CDKAL1: variants seen among roughly 807,000 people sequenced by gnomAD.
CDKAL1 encodes threonylcarbamoyladenosine tRNA methylthiotransferase.
A neutral mutation model predicts 68.2 loss-of-function variants in CDKAL1; 32 were observed. That is an observed-to-expected ratio of 0.47 (90% confidence interval 0.35 to 0.63). The LOEUF is 0.63. CDKAL1 is among the 30% of genes least tolerant of loss of function. CDKAL1 has a pLI of 0.00. For synonymous variants in CDKAL1, 234 were observed against 244.3 expected, an observed-to-expected ratio of 0.96 and a Z score of 0.39; for missense variants, 606 against 696.7, an observed-to-expected ratio of 0.87 and a Z score of 1.47.
At chr6:20,780,922 C>T (rs1775398972) in intron 7 of CDKAL1, among the ~76,000 whole-genome samples, 1 of 152,170 alleles carries the variant, frequency 6.6e-6, no homozygotes, top group East Asian at 1.9e-4. Context: ...GATCCACCCA[C>T]CTTGGCCTCC....
At chr6:21,114,146 G>A (rs1335643101) in intron 13 of CDKAL1, among the ~76,000 whole-genome samples, 1 of 151,578 alleles carries the variant, frequency 6.6e-6, no homozygotes, top group African/African-American at 2.4e-5. Flanking sequence ...TACTCGGGAG[G>A]CTGAGGCAGG....
chr6:21,047,666 G>C (rs189478684), intron 11 of CDKAL1, among the ~76,000 whole-genome samples: 41 of 152,238 alleles, frequency 2.7e-4, no homozygotes, highest in African/African-American at 9.1e-4. Flanking sequence ...TGTCCACCAG[G>C]TGCTTATAGT....
At chr6:21,034,177 C>T (rs1213741468) in intron 11 of CDKAL1, among the ~76,000 whole-genome samples, 2 of 152,022 alleles carry the variant, frequency 1.3e-5, no homozygotes, top group African/African-American at 2.4e-5. Context: ...AAACAAAGCC[C>T]GTCAGGAGTT....
intron 9 of CDKAL1, among the ~76,000 whole-genome samples, chr6:20,887,810 G>T (rs1372842413): frequency 1.3e-5 from 2 of 150,524 alleles, no homozygotes; most frequent in South Asian, 2.1e-4. Flanking sequence ...AAGAGACAGG[G>T]TCTGTTTCTG....
intron 5 of CDKAL1, among the ~76,000 whole-genome samples, chr6:20,670,257 C>T (rs1769749629): frequency 6.6e-6 from 1 of 152,146 alleles, no homozygotes; most frequent in South Asian, 2.1e-4. Flanking sequence ...CTTTCCTTTG[C>T]CACTCAAATC....
At chr6:20,568,034 C>G (rs1764531570) in intron 4 of CDKAL1, among the ~76,000 whole-genome samples, 1 of 152,126 alleles carries the variant, frequency 6.6e-6, no homozygotes, top group Non-Finnish European at 1.5e-5. Flanking sequence ...TGCCACCACG[C>G]CCGGCTAATT....
At chr6:20,565,187 A>G (rs1764414209) in intron 4 of CDKAL1, among the ~76,000 whole-genome samples, 1 of 152,114 alleles carries the variant, frequency 6.6e-6, no homozygotes, top group African/African-American at 2.4e-5. Context: ...AGTGATTTTT[A>G]CAGGGGTGAA....
intron 13 of CDKAL1, among the ~76,000 whole-genome samples, chr6:21,138,816 T>C (rs1222257263): frequency 6.6e-6 from 1 of 152,162 alleles, no homozygotes; most frequent in African/African-American, 2.4e-5. Context: ...GTCAGGCCCA[T>C]CTGTATACAT....
rs991695765 is a variant in CDKAL1, at chr6:20,839,114, T to A, written c.639-6961T>A. Among the ~76,000 whole-genome samples the A allele has an allele frequency of 7.9e-5, 12 of 152,174 alleles. No individual in the cohort carries two copies. The East Asian group carries it at 9.6e-4, about 12-fold the overall frequency. Reference sequence around the variant, plus strand: ...AAGAGGCCATTTTCTTGCTTTTTTTTTCCCCCTGTACATCTTTAATTCTAA... The same window carrying A: ...AAGAGGCCATTTTCTTGCTTTTTTTATCCCCCTGTACATCTTTAATTCTAA... On this transcript the variant is annotated intron_variant, in intron 8 of 15. Transcript: ENST00000274695.
chr6:20,554,649 T>A (rs1763965817), intron 4 of CDKAL1, among the ~76,000 whole-genome samples: 1 of 152,226 alleles, frequency 6.6e-6, no homozygotes, highest in Non-Finnish European at 1.5e-5. Context: ...TTTGGTCTCT[T>A]CAGAACCTCA....
intron 15 of CDKAL1, among the ~76,000 whole-genome samples, chr6:21,230,504 G>T (rs951041486): frequency 6.6e-6 from 1 of 152,036 alleles, no homozygotes; most frequent in Non-Finnish European, 1.5e-5. Flanking sequence ...AGAAGATATG[G>T]TTGCATCTCT....
intron 4 of CDKAL1, among the ~76,000 whole-genome samples, chr6:20,587,088 G>A (rs527493430): frequency 7.0e-4 from 99 of 140,898 alleles, no homozygotes; most frequent in Admixed American, 4.1e-3. Context: ...CCGGGTTCAA[G>A]TGATTCTCTT....
chr6:20,557,658 G>C (rs971969324), intron 4 of CDKAL1, among the ~76,000 whole-genome samples: 3 of 152,196 alleles, frequency 2.0e-5, no homozygotes, highest in African/African-American at 4.8e-5. Context: ...TGGGCACGGT[G>C]GCTCATGCCT....
intron 10 of CDKAL1, among the ~76,000 whole-genome samples, chr6:20,965,194 C>G (rs1765242225): frequency 6.6e-6 from 1 of 152,060 alleles, no homozygotes; most frequent in African/African-American, 2.4e-5. Flanking sequence ...CATCTGTAGT[C>G]CCAGCTACTC....
chr6:20,684,077 A>G (rs1256710389), intron 5 of CDKAL1, among the ~76,000 whole-genome samples: 1 of 152,220 alleles, frequency 6.6e-6, no homozygotes, highest in African/African-American at 2.4e-5. Flanking sequence ...CATTGTCAGA[A>G]TGTACAACAG....
chr6:21,140,877 C>G (rs1052559931), intron 13 of CDKAL1, among the ~76,000 whole-genome samples: 2 of 152,052 alleles, frequency 1.3e-5, no homozygotes, highest in Non-Finnish European at 2.9e-5. Flanking sequence ...GGGAGGCCTC[C>G]GAATCATGGC....
chr6:21,210,532 T>C (rs1779112321), intron 15 of CDKAL1, among the ~76,000 whole-genome samples: 1 of 152,168 alleles, frequency 6.6e-6, no homozygotes, highest in Non-Finnish European at 1.5e-5. Flanking sequence ...ATTTCCCAGC[T>C]TCTAAAACAG....
intron 13 of CDKAL1, among the ~76,000 whole-genome samples, chr6:21,196,645 CTATT>C (rs1340475755): frequency 2.0e-5 from 3 of 152,094 alleles, no homozygotes; most frequent in Non-Finnish European, 4.4e-5. Context: ...GTTAGGTGGT[CTATT>C]TAGTGCAGCT....
chr6:21,068,883 C>T (rs147897124), intron 12 of CDKAL1, among the ~76,000 whole-genome samples: 2 of 152,050 alleles, frequency 1.3e-5, no homozygotes, highest in African/African-American at 2.4e-5. Context: ...TAATTTCTAT[C>T]GATAATGTTT....
Sources: allele counts gnomAD v4.1 joint callset (sites outside exome capture counted in the v4.1 genomes callset), GRCh38; gene constraint gnomAD v4.1.1; transcripts MANE v1.5; gene names NCBI Gene and HGNC (gene_info 2026-07-23, HGNC 2026-07-21).